Variants in CGREF1 observed in about 807,000 individuals in gnomAD.
CGREF1 encodes the protein cell growth regulator with EF hand domain protein 1.
CGREF1 carries 16 observed loss-of-function variants against 17.4 expected under a neutral mutation model. That is an observed-to-expected ratio of 0.92 (90% CI 0.62 to 1.40). CGREF1 has a LOEUF of 1.40. Ranked by LOEUF, CGREF1 falls within the 40% of genes most tolerant of loss-of-function variation. The probability of loss-of-function intolerance (pLI) is 0.00; values close to 1 mark genes in which losing one functional copy is unlikely to be tolerated. For synonymous variants in CGREF1, 142 were observed against 154.6 expected, an observed-to-expected ratio of 0.92 and a Z score of 0.61; for missense variants, 296 against 376.4, an observed-to-expected ratio of 0.79 and a Z score of 1.77.
chr2:27,101,758 G>C lies in CGREF1; in HGVS notation c.473C>G (p.Pro158Arg). The C allele has an allele frequency of 6.2e-7, 1 of 1,614,232 alleles. No individual in the cohort carries two copies. Among genetic ancestry groups the C allele is most frequent in the Non-Finnish European group, 8.5e-7 (1 of 1,180,038 alleles). Residue 158 changes from proline to arginine, a missense_variant, in exon 6 of 6, where the codon CCA becomes CGA. Transcript: ENST00000402394. ...AACAGCTTGTGGCTCCTGAGGAGAT[G>C]GAGCAAGGGGCTCTCCGGGCTCCAC... ...RHVEPGEPLA[P>R]SPQEPQAVGR...
At chr2:27,104,572 C>A in intron 1 of CGREF1, 195 bp from the exon 2 acceptor site, 1 of 1,550,616 alleles carries the variant, frequency 6.4e-7, no homozygotes. Context: ...AATGTCACTC[C>A]AGCTCTTGTA....
intron 1 of CGREF1, chr2:27,104,583 T>C: frequency 1.9e-6 from 3 of 1,550,590 alleles, no homozygotes; most frequent in South Asian, 1.2e-5. Flanking sequence ...AGCTCTTGTA[T>C]ATAAAGCACA....
At chr2:27,099,848 G>T, downstream of CGREF1, 1 of 1,554,630 alleles carries the variant, frequency 6.4e-7, no homozygotes, top group Non-Finnish European at 8.7e-7. Context: ...GCCCTGTTCA[G>T]GGGACAGATG....
chr2:27,118,004 C>T (rs1671650290), intron 1 of CGREF1, among the ~76,000 whole-genome samples: 1 of 152,168 alleles, frequency 6.6e-6, no homozygotes, highest in Non-Finnish European at 1.5e-5. Flanking sequence ...AGGCGTGAGC[C>T]ACTGCTCCTG....
intron 2 of CGREF1, among the ~76,000 whole-genome samples, chr2:27,103,769 G>A (rs376273067): frequency 6.0e-5 from 9 of 150,574 alleles, no homozygotes; most frequent in East Asian, 2.0e-4. Flanking sequence ...CGGATCACAA[G>A]GTCAAGAGTT....
intron 1 of CGREF1, among the ~76,000 whole-genome samples, chr2:27,105,465 G>A (rs1447720591): frequency 6.6e-6 from 1 of 152,206 alleles, no homozygotes; most frequent in Non-Finnish European, 1.5e-5. Flanking sequence ...GCCTTTTAAA[G>A]CTACCTTAAG....
chr2:27,101,911 G>A (rs781647941), intron 5 of CGREF1, 23 bp from the exon 6 acceptor site: 1 of 1,604,948 alleles, frequency 6.2e-7, no homozygotes, highest in Non-Finnish European at 8.5e-7. Context: ...AGTCACTGTG[G>A]GGTCTCCAGG....
chr2:27,101,281 T>C lies in CGREF1; in HGVS notation c.950A>G (p.Glu317Gly). 1 of 1,554,072 alleles carries C rather than the reference T, an allele frequency of 6.4e-7. No individual in the cohort carries two copies. The highest frequency in any genetic ancestry group is 1.4e-5 in the African/African-American group (1 of 73,086). The stretch of plus-strand genomic sequence containing the variant: ...TACCTGTATCTTCAAGATCTAGATC[T>C]CATCATTCTCCACTTGAACAATGTG... ...EVHIVQVEND[E>G]I The change falls in exon 6 of 6, where the codon GAG becomes GGG. Residue 317 changes from glutamate to glycine, a missense_variant. Glu to Gly is a moderately conservative substitution (Grantham distance 98). Transcript: ENST00000402394.
rs1386336284 is a variant in CGREF1, at chr2:27,102,379, C to T, written c.198G>A (p.Glu66=). ...KGLGRTEVQL[E]HLSREQVLLY... is the part of the protein sequence containing the mutation. Reference sequence around the variant, plus strand: ...CCTCACCCTGCTCCCGGCTCAGATGCTCCAGTTGCACTTCTGTCCTTCCTA... The same window carrying T: ...CCTCACCCTGCTCCCGGCTCAGATGTTCCAGTTGCACTTCTGTCCTTCCTA... Residue 66 remains glutamate, a synonymous_variant, in exon 4 of 6, where the codon GAG becomes GAA. Transcript: ENST00000402394. 3 of 1,614,058 alleles carry T rather than the reference C, an allele frequency of 1.9e-6. No individual in the cohort carries two copies. Among genetic ancestry groups the T allele is most frequent in the South Asian group, 1.1e-5 (1 of 91,090 alleles).
intron 1 of CGREF1, among the ~76,000 whole-genome samples, chr2:27,105,173 C>T (rs1179282996): frequency 6.6e-6 from 1 of 152,192 alleles, no homozygotes; most frequent in Non-Finnish European, 1.5e-5. Context: ...GTGTGAGTTC[C>T]TGAGGAAGCA....
Position 27,116,098 on chromosome 2 carries a change from C to T in CGREF1, c.-12+2748G>A, listed in dbSNP as rs148525078. Reference sequence around the variant, plus strand: ...TTTTTAATTAGACAGCATGGTGGCTCAAATCTATGGTCCCAGCTACTTGAG... The same window carrying T: ...TTTTTAATTAGACAGCATGGTGGCTTAAATCTATGGTCCCAGCTACTTGAG... On this transcript the variant is annotated intron_variant, in intron 1 of 5. Transcript: ENST00000402394. Among the ~76,000 whole-genome samples the T allele has an allele frequency of 9.9e-5, 15 of 150,912 alleles. No homozygotes were observed. In the East Asian group the frequency reaches 2.9e-3, roughly 29 times the overall value.
rs766375960 is a variant in CGREF1 at position 27,101,886 on chromosome 2, C to T, written c.345G>A (p.Val115=). ...GAANSPTTNP[V]ILIVDKVLET... ...CGAGCACTTTGTCCACTATCAAGAT[C>T]ACCTGTGGAAGCAGAGTCACTGTGG... The change falls in exon 6 of 6, where the codon GTG becomes GTA. Residue 115 remains valine (V), a splice_region_variant and synonymous_variant. Coordinates refer to ENST00000402394, the MANE Select transcript of CGREF1 (RefSeq NM_006569.6). 2.5e-6 allele frequency: 4 copies of T among 1,609,834 alleles called. No homozygotes were observed. The South Asian group carries it at 4.4e-5, about 18-fold the overall frequency.
chr2:27,113,192 C>T (rs1381965105), intron 1 of CGREF1, among the ~76,000 whole-genome samples: 1 of 152,046 alleles, frequency 6.6e-6, no homozygotes, highest in Non-Finnish European at 1.5e-5. Flanking sequence ...CTGAGGGTTC[C>T]AGTCTCTAAG....
At chr2:27,099,597 G>A (rs1670663079), downstream of CGREF1, 1 of 1,614,134 alleles carries the variant, frequency 6.2e-7, no homozygotes. Flanking sequence ...GCAGCAGGAG[G>A]GGAAAAGGAC....
At chr2:27,115,015 A>G (rs921481119) in intron 1 of CGREF1, among the ~76,000 whole-genome samples, 1 of 152,160 alleles carries the variant, frequency 6.6e-6, no homozygotes, top group Non-Finnish European at 1.5e-5. Context: ...GATTATAGGC[A>G]TGAGCTACCA....
chr2:27,109,161 G>A (rs1671249582), intron 1 of CGREF1, among the ~76,000 whole-genome samples: 1 of 152,028 alleles, frequency 6.6e-6, no homozygotes, highest in Non-Finnish European at 1.5e-5. Flanking sequence ...CCTGAGCCCA[G>A]GAGTTCAAGA....
chr2:27,099,947 CAAAT>C (rs1670706024), downstream of CGREF1: 3 of 1,222,158 alleles, frequency 2.5e-6, no homozygotes, highest in Non-Finnish European at 3.5e-6. Flanking sequence ...AGCCTCAGAG[CAAAT>C]AAATCTTCCT....
chr2:27,108,646 AC>A (rs201745012), intron 1 of CGREF1, among the ~76,000 whole-genome samples: 1,876 of 152,226 alleles, frequency 0.012, 23 homozygotes, highest in Non-Finnish European at 0.02. Flanking sequence ...GAAAGAAAAG[AC>A]AAATCATCTC....
At chr2:27,111,631 G>A (rs886351848) in intron 1 of CGREF1, among the ~76,000 whole-genome samples, 2 of 152,218 alleles carry the variant, frequency 1.3e-5, no homozygotes, top group African/African-American at 2.4e-5. Flanking sequence ...AGGCATGGCG[G>A]GCTGCAGGTC....
Sources: allele counts gnomAD v4.1 joint callset (sites outside exome capture counted in the v4.1 genomes callset), GRCh38; gene constraint gnomAD v4.1.1; transcripts MANE v1.5; gene names NCBI Gene and HGNC (gene_info 2026-07-23, HGNC 2026-07-21).